Variants in NKAIN2 observed in about 807,000 individuals in gnomAD.
NKAIN2 encodes sodium/potassium transporting ATPase interacting 2.
A neutral mutation model predicts 32.6 loss-of-function variants in NKAIN2; 14 were observed. The ratio of observed to expected loss-of-function variants is 0.43; its 90% CI spans 0.28 to 0.67. NKAIN2 has a LOEUF of 0.67. Among genes scored for constraint, NKAIN2 ranks in the 30% least tolerant of loss-of-function variants. NKAIN2 has a pLI of 0.17. For synonymous variants in NKAIN2, 80 were observed against 87.2 expected (o/e 0.92, Z 0.46); for missense variants, 198 against 258.3 (o/e 0.77, Z 1.60).
At chr6:124,725,799 G>A (rs977449269) in intron 4 of NKAIN2, among the ~76,000 whole-genome samples, 4 of 152,188 alleles carry the variant, frequency 2.6e-5, no homozygotes, top group African/African-American at 9.7e-5. Context: ...GAGGTACCAG[G>A]TTCATCTCAC....
chr6:124,503,685 G>A (rs1198353593), intron 3 of NKAIN2, among the ~76,000 whole-genome samples: 1 of 152,062 alleles, frequency 6.6e-6, no homozygotes, highest in Non-Finnish European at 1.5e-5. Flanking sequence ...CAACCTACCA[G>A]TCACTCTCTG....
rs79896447 is a variant in NKAIN2, at chr6:123,845,149, A to G, written c.54+40895A>G. 3.9e-3 allele frequency among the ~76,000 whole-genome samples: 597 copies of G among 152,320 alleles called. 2 individuals are homozygous for G. The highest frequency in any genetic ancestry group is 6.9e-3 in the Non-Finnish European group (470 of 68,020). Reference sequence around the variant, plus strand: ...TTATAGGTTTATACGCTTGGAGTGAATCAATATATGTACTTCTATTTGCTG... The same window carrying G: ...TTATAGGTTTATACGCTTGGAGTGAGTCAATATATGTACTTCTATTTGCTG... On this transcript the variant is annotated intron_variant, in intron 1 of 6. Coordinates refer to ENST00000368417, the MANE Select transcript of NKAIN2 (RefSeq NM_001040214.3).
At chr6:124,545,706 A>G (rs1780071150) in intron 3 of NKAIN2, among the ~76,000 whole-genome samples, 1 of 151,814 alleles carries the variant, frequency 6.6e-6, no homozygotes, top group Non-Finnish European at 1.5e-5. Context: ...CTTTGTGTGC[A>G]CCCATGAAAT....
At chr6:124,657,227 A>G (rs559216825) in intron 3 of NKAIN2, among the ~76,000 whole-genome samples, 2 of 152,282 alleles carry the variant, frequency 1.3e-5, no homozygotes, top group South Asian at 4.1e-4. Flanking sequence ...GTTGGCACCT[A>G]TTATCTTGTG....
chr6:124,589,014 TAAGG>T (rs1781811216), intron 3 of NKAIN2, among the ~76,000 whole-genome samples: 1 of 152,198 alleles, frequency 6.6e-6, no homozygotes. Context: ...TTCATTTTTA[TAAGG>T]AAGTACATAA....
At chr6:124,681,132 G>A (rs902698900) in intron 4 of NKAIN2, among the ~76,000 whole-genome samples, 4 of 151,882 alleles carry the variant, frequency 2.6e-5, no homozygotes, top group African/African-American at 7.2e-5. Flanking sequence ...GGGTTAGGAC[G>A]ATAAGCACTT....
intron 3 of NKAIN2, among the ~76,000 whole-genome samples, chr6:124,598,431 A>G (rs1782178910): frequency 6.6e-6 from 1 of 152,160 alleles, no homozygotes; most frequent in Non-Finnish European, 1.5e-5. Context: ...TTTTCACTTC[A>G]TAGTTAATAC....
intron 4 of NKAIN2, among the ~76,000 whole-genome samples, chr6:124,756,715 A>G (rs1299019709): frequency 6.6e-6 from 1 of 152,014 alleles, no homozygotes; most frequent in Non-Finnish European, 1.5e-5. Flanking sequence ...GAAGAAATTC[A>G]TAGTAGAGTG....
chr6:124,526,146 C>A (rs1779304190), intron 3 of NKAIN2, among the ~76,000 whole-genome samples: 1 of 151,884 alleles, frequency 6.6e-6, no homozygotes, highest in Non-Finnish European at 1.5e-5. Context: ...GGTGCAAAAG[C>A]AAGACATGGC....
intron 3 of NKAIN2, among the ~76,000 whole-genome samples, chr6:124,432,480 G>A (rs779975898): frequency 2.6e-5 from 4 of 151,972 alleles, no homozygotes; most frequent in East Asian, 1.9e-4. Flanking sequence ...AGTGGTGTGC[G>A]CCTATAAGTC....
chr6:124,773,757 T>TA (rs1440472057), intron 4 of NKAIN2, among the ~76,000 whole-genome samples: 1 of 151,922 alleles, frequency 6.6e-6, no homozygotes, highest in Non-Finnish European at 1.5e-5. Flanking sequence ...TATGGAAAAA[T>TA]AATAGAGTGG....
intron 4 of NKAIN2, among the ~76,000 whole-genome samples, chr6:124,686,570 C>T (rs1428341570): frequency 6.6e-6 from 1 of 152,098 alleles, no homozygotes; most frequent in Non-Finnish European, 1.5e-5. Flanking sequence ...CACCATGATC[C>T]AATCACCTCC....
chr6:124,451,535 C>T (rs141740655), intron 3 of NKAIN2, among the ~76,000 whole-genome samples: 14 of 152,058 alleles, frequency 9.2e-5, no homozygotes, highest in African/African-American at 3.1e-4. Flanking sequence ...GATAGTTATT[C>T]GCAAGCTAGG....
intron 5 of NKAIN2, among the ~76,000 whole-genome samples, chr6:124,797,734 T>C (rs1246082705): frequency 6.6e-6 from 1 of 152,184 alleles, no homozygotes; most frequent in Non-Finnish European, 1.5e-5. Context: ...TTATCATTTC[T>C]CCAGTTTGTC....
At chr6:124,665,090 A>G (rs1772724990) in intron 4 of NKAIN2, among the ~76,000 whole-genome samples, 1 of 152,154 alleles carries the variant, frequency 6.6e-6, no homozygotes, top group South Asian at 2.1e-4. Flanking sequence ...CATACTACCC[A>G]AAGAAATCTA....
intron 1 of NKAIN2, among the ~76,000 whole-genome samples, chr6:123,881,040 G>C (rs1296473715): frequency 6.6e-6 from 1 of 152,156 alleles, no homozygotes; most frequent in East Asian, 1.9e-4. Context: ...TACTGAGTTA[G>C]GTGTGACTAG....
chr6:124,407,260 A>G (rs1773903626), intron 3 of NKAIN2, among the ~76,000 whole-genome samples: 2 of 152,088 alleles, frequency 1.3e-5, no homozygotes, highest in African/African-American at 4.8e-5. Flanking sequence ...TTTGTTACAT[A>G]TGTATACATG....
At chr6:124,366,673 A>G (rs895318016) in intron 3 of NKAIN2, among the ~76,000 whole-genome samples, 4 of 152,126 alleles carry the variant, frequency 2.6e-5, no homozygotes, top group African/African-American at 7.2e-5. Context: ...ACGGTGGCTC[A>G]TGCCTATAAT....
rs542326584 is a variant in NKAIN2 at position 124,809,005 on chromosome 6, A to T, written c.536-9382A>T. Among the ~76,000 whole-genome samples, 693 of 152,340 alleles carry T rather than the reference A, an allele frequency of 4.5e-3. 5 individuals carry two copies. The highest frequency in any genetic ancestry group is 0.016 in the African/African-American group (660 of 41,572). On this transcript the variant is annotated intron_variant, in intron 5 of 6. Coordinates refer to ENST00000368417, the MANE Select transcript of NKAIN2 (RefSeq NM_001040214.3). ...AGAGGATACAAACAAATGGAAGAACATTCCATGCTCATGGGTAAGAAGAAT... is the reference window on the plus strand; with the variant it reads ...AGAGGATACAAACAAATGGAAGAACTTTCCATGCTCATGGGTAAGAAGAAT...
Sources: allele counts gnomAD v4.1 joint callset (sites outside exome capture counted in the v4.1 genomes callset), GRCh38; gene constraint gnomAD v4.1.1; transcripts MANE v1.5; gene names NCBI Gene and HGNC (gene_info 2026-07-23, HGNC 2026-07-21).